The following SLC7A9 variants were observed in gnomAD, a reference collection of about 807,000 sequenced individuals.
SLC7A9 encodes the protein solute carrier family 7 member 9.
A neutral mutation model predicts 54.1 loss-of-function variants in SLC7A9; 38 were observed. The observed-to-expected ratio is 0.70, with a 90% CI of 0.54 to 0.92. The LOEUF is 0.92. Ranked by LOEUF, SLC7A9 falls within the 40% of genes least tolerant of loss-of-function variation. SLC7A9 has a pLI of 0.00. For missense variants in SLC7A9, 537 were observed against 636.1 expected (o/e 0.84, Z 1.68); for synonymous variants, 264 against 258.9 (o/e 1.02, Z -0.19).
At position 32,868,610 on chromosome 19, in the gene SLC7A9, C is replaced by T. The variant is rs548266668; in HGVS notation, c.-76G>A. Reference sequence around the variant, plus strand: ...CTTGGTTCAGCAGCAGCAGACAAGACGCAAGTGCAAGCTCGGCCTGGACTA... The same window carrying T: ...CTTGGTTCAGCAGCAGCAGACAAGATGCAAGTGCAAGCTCGGCCTGGACTA... On this transcript the variant is annotated 5_prime_UTR_variant, in exon 2 of 13. Coordinates refer to ENST00000023064, the MANE Select transcript of SLC7A9 (RefSeq NM_014270.5). 9.5e-6 allele frequency: 12 copies of T among 1,268,402 alleles called. No individual in the cohort carries two copies. Among genetic ancestry groups the T allele is most frequent in the African/African-American group, 8.8e-5 (6 of 68,422 alleles). 78.6% of individuals were successfully genotyped at this position (1,268,402 alleles called of 1,614,324 possible).
intron 8 of SLC7A9, 145 bp from the exon 9 acceptor site, chr19:32,858,688 G>C: frequency 1.5e-6 from 1 of 679,754 alleles, no homozygotes; most frequent in Non-Finnish European, 2.7e-6. Context: ...CTGCAGAGGA[G>C]AGAGGAGAAC....
chr19:32,858,611 G>T (rs1968699479), intron 8 of SLC7A9, 68 bp from the exon 9 acceptor site: 1 of 1,291,538 alleles, frequency 7.7e-7, no homozygotes, highest in Non-Finnish European at 1.1e-6. Context: ...GCCCCCAAAA[G>T]CTATTCTGGC....
chr19:32,842,578 G>A (rs1968158000), intron 10 of SLC7A9, among the ~76,000 whole-genome samples: 1 of 148,356 alleles, frequency 6.7e-6, no homozygotes, highest in Non-Finnish European at 1.5e-5. Flanking sequence ...TTAGGTTGGT[G>A]CAAAAGTAAC....
chr19:32,840,331 C>A (rs768956189), intron 11 of SLC7A9, among the ~76,000 whole-genome samples: 17 of 152,056 alleles, frequency 1.1e-4, no homozygotes, highest in Non-Finnish European at 1.9e-4. Context: ...CACCACCACA[C>A]CCAGCTATCT....
intron 9 of SLC7A9, among the ~76,000 whole-genome samples, chr19:32,844,782 G>A (rs971279263): frequency 7.4e-6 from 1 of 135,642 alleles, no homozygotes; most frequent in Non-Finnish European, 1.5e-5. Flanking sequence ...GGTGAGCTGA[G>A]ATCGCACCAT....
intron 9 of SLC7A9, among the ~76,000 whole-genome samples, chr19:32,851,662 C>T (rs2145825783): frequency 6.6e-6 from 1 of 152,168 alleles, no homozygotes; most frequent in Admixed American, 6.5e-5. Context: ...CCAGCCATCG[C>T]ATTACTGGGT....
intron 11 of SLC7A9, among the ~76,000 whole-genome samples, chr19:32,836,849 C>G (rs1967972561): frequency 6.6e-6 from 1 of 152,172 alleles, no homozygotes. Flanking sequence ...CATGGCCTGT[C>G]TTTGTCTTAA....
intron 1 of SLC7A9, among the ~76,000 whole-genome samples, chr19:32,869,245 TA>T (rs1969068767): frequency 6.6e-6 from 1 of 151,830 alleles, no homozygotes; most frequent in African/African-American, 2.4e-5. Flanking sequence ...TATAAAAAAT[TA>T]AAAAATGAAA....
chr19:32,839,648 T>A (rs757195495), intron 11 of SLC7A9, among the ~76,000 whole-genome samples: 3 of 151,998 alleles, frequency 2.0e-5, no homozygotes, highest in Non-Finnish European at 4.4e-5. Flanking sequence ...TCAGTTTGGC[T>A]GGGTATAAGA....
chr19:32,866,388 C>T (rs1417264162), intron 2 of SLC7A9, among the ~76,000 whole-genome samples: 10 of 152,168 alleles, frequency 6.6e-5, no homozygotes, highest in Non-Finnish European at 7.3e-5. Flanking sequence ...GGTCTGCATT[C>T]GCCCTGAAGC....
intron 10 of SLC7A9, among the ~76,000 whole-genome samples, chr19:32,843,587 T>C (rs1968190822): frequency 6.6e-6 from 1 of 152,140 alleles, no homozygotes; most frequent in Non-Finnish European, 1.5e-5. Context: ...TGTAAGCTAG[T>C]GGGCTTTTAT....
chr19:32,858,596 G>C, intron 8 of SLC7A9, 53 bp from the exon 9 acceptor site: 1 of 1,447,660 alleles, frequency 6.9e-7, no homozygotes, highest in African/African-American at 1.4e-5. Context: ...CTCCAAGAGC[G>C]GCCGGCCCCC....
In SLC7A9 at chr19:32,833,226, A is replaced by G; in HGVS notation, c.1322T>C (p.Val441Ala). The G allele has an allele frequency of 1.2e-6, 2 of 1,614,164 alleles. No homozygotes were observed. The highest frequency in any genetic ancestry group is 1.7e-6 in the Non-Finnish European group (2 of 1,179,982). The change falls in exon 12 of 13, where the codon GTG (valine) becomes GCG (alanine). Residue 441 changes from valine (V) to alanine (A), a missense_variant. Transcript: ENST00000023064. ...TAAAAGGCCGCTTAATATAAACAGC[A>G]CACAGTAGAGGTACTCCCAGGTGGG... is the stretch of plus-strand genomic sequence containing the variant. ...SKPTWEYLYC[V>A]LFILSGLLFY...
chr19:32,863,716 T>C (rs1968875020), intron 4 of SLC7A9, among the ~76,000 whole-genome samples: 1 of 152,176 alleles, frequency 6.6e-6, no homozygotes, highest in Non-Finnish European at 1.5e-5. Flanking sequence ...AGAGGGCAGA[T>C]CCAAACATGG....
intron 2 of SLC7A9, among the ~76,000 whole-genome samples, chr19:32,865,455 C>T (rs1293167110): frequency 3.9e-5 from 6 of 152,216 alleles, no homozygotes; most frequent in Non-Finnish European, 7.3e-5. Context: ...AGGCGTAAGC[C>T]GCCGTGCCTG....
rs887825605 is a variant in SLC7A9, at chr19:32,864,902, C to A, written c.88-126G>T. On this transcript the variant is annotated intron_variant, in intron 2 of 12. Transcript: ENST00000023064. ...AAAGCCCATGTCCCAGGCGCTTCCA[C>A]CCTGAGCGGCTGCCCTGGCAACACC... is the stretch of plus-strand genomic sequence containing the variant. The A allele has an allele frequency of 5.0e-5, 62 of 1,239,010 alleles. No individual in the cohort carries two copies. The African/African-American group carries it at 8.4e-4, about 17-fold the overall frequency. The allele number at this position is 1,239,010 out of a possible 1,614,324, so 76.8% of individuals were successfully genotyped here.
chr19:32,864,263 T>C lies in SLC7A9; in HGVS notation c.311A>G (p.Tyr104Cys), dbSNP rs1222523850. ...GGEYPYLMEAYGPIPAYLFSW... is the reference protein window; with the variant it reads ...GGEYPYLMEACGPIPAYLFSW... The stretch of plus-strand genomic sequence containing the variant: ...GAAGAGGTAGGCGGGGATGGGCCCG[T>C]AGGCCTCCATCAGGTAGGGATACTC... Residue 104 changes from tyrosine to cysteine, a missense_variant, in exon 4 of 13, where the codon TAC becomes TGC. Transcript: ENST00000023064. 1 of 1,613,956 alleles carries C rather than the reference T, an allele frequency of 6.2e-7. No individual in the cohort carries two copies. Among genetic ancestry groups the C allele is most frequent in the Non-Finnish European group, 8.5e-7 (1 of 1,180,002 alleles).
intron 12 of SLC7A9, 87 bp from the exon 13 acceptor site, chr19:32,830,771 T>C: frequency 9.3e-7 from 1 of 1,075,556 alleles, no homozygotes. Flanking sequence ...GGTGACATTG[T>C]TTTCAGTCTT....
At chr19:32,852,035 C>G (rs1329478352) in intron 9 of SLC7A9, among the ~76,000 whole-genome samples, 8 of 148,138 alleles carry the variant, frequency 5.4e-5, no homozygotes, top group African/African-American at 7.4e-5. Flanking sequence ...GTGGGGGGAG[C>G]GGGGAGGGAT....
Sources: gnomAD v4.1 joint callset for allele counts (sites outside exome capture counted in the v4.1 genomes callset) on GRCh38, gnomAD v4.1.1 for gene constraint, MANE v1.5 for transcripts, NCBI Gene and HGNC (gene_info 2026-07-23, HGNC 2026-07-21) for gene names.